GPHN: variants seen among roughly 807,000 people sequenced by gnomAD.
GPHN encodes gephyrin.
A neutral mutation model predicts 95.5 loss-of-function variants in GPHN; 17 were observed. That is an observed-to-expected ratio of 0.18 (90% CI 0.12 to 0.27). The LOEUF (loss-of-function observed/expected upper bound fraction) is 0.27. GPHN is among the 10% of genes least tolerant of loss of function. The pLI is 1.00. For missense variants in GPHN, 660 were observed against 978.1 expected (o/e 0.67, Z 4.34); for synonymous variants, 320 against 322.5 (o/e 0.99, Z 0.08).
chr14:66,895,619 G>A (rs1179078845), intron 5 of GPHN, among the ~76,000 whole-genome samples: 4 of 152,110 alleles, frequency 2.6e-5, no homozygotes, highest in Non-Finnish European at 4.4e-5. Context: ...TACTTTCAAT[G>A]TGCTGAAAGA....
the GPHN span, chr14:67,600,072 G>A: frequency 6.3e-7 from 1 of 1,592,560 alleles, no homozygotes; most frequent in Non-Finnish European, 8.5e-7. Context: ...CCGTGCAGGT[G>A]ACAGCGGTGA....
chr14:67,107,185 C>T (rs541471367), intron 13 of GPHN, among the ~76,000 whole-genome samples: 1 of 152,190 alleles, frequency 6.6e-6, no homozygotes, highest in East Asian at 1.9e-4. Context: ...CTTTTAGAGT[C>T]CTCCTCTTCT....
chr14:66,574,519 G>A (rs1267510159), intron 1 of GPHN, among the ~76,000 whole-genome samples: 1 of 152,140 alleles, frequency 6.6e-6, no homozygotes, highest in Non-Finnish European at 1.5e-5. Flanking sequence ...TTTACATGTT[G>A]CTAGTTAGCA....
At chr14:66,754,428 GATA>G (rs750208468) in intron 2 of GPHN, among the ~76,000 whole-genome samples, 7 of 151,898 alleles carry the variant, frequency 4.6e-5, no homozygotes, top group Admixed American at 2.6e-4. Context: ...ATATATAAAA[GATA>G]ATAATCAGAT....
chr14:66,742,430 T>C (rs968588782), intron 2 of GPHN, among the ~76,000 whole-genome samples: 4 of 152,202 alleles, frequency 2.6e-5, no homozygotes, highest in Non-Finnish European at 4.4e-5. Flanking sequence ...ACCATTATAT[T>C]GAAGATTCCG....
At chr14:66,828,462 A>G (rs1327388055) in intron 4 of GPHN, among the ~76,000 whole-genome samples, 1 of 152,158 alleles carries the variant, frequency 6.6e-6, no homozygotes, top group Non-Finnish European at 1.5e-5. Flanking sequence ...TACCTATATT[A>G]TATACATCAG....
chr14:66,997,960 T>G (rs931451806), intron 9 of GPHN, among the ~76,000 whole-genome samples: 3 of 152,196 alleles, frequency 2.0e-5, no homozygotes, highest in African/African-American at 7.2e-5. Context: ...GTAAAAAATA[T>G]ATAACCCATT....
intron 1 of GPHN, among the ~76,000 whole-genome samples, chr14:66,626,519 A>T (rs990291467): frequency 5.9e-5 from 9 of 152,248 alleles, no homozygotes; most frequent in Admixed American, 3.3e-4. Context: ...TAGAAAGAAG[A>T]TAACTTAATA....
chr14:67,278,962 A>G, the GPHN span: 2 of 451,066 alleles, frequency 4.4e-6, no homozygotes, highest in Non-Finnish European at 7.7e-6. Flanking sequence ...GCTCTGTAAA[A>G]ACCTGCTTTT....
chr14:67,008,603 G>A lies in GPHN; in HGVS notation c.964-15030G>A, dbSNP rs150489604. On this transcript the variant is annotated intron_variant, in intron 9 of 22. Coordinates refer to ENST00000478722, the MANE Select transcript of GPHN (RefSeq NM_020806.5). Reference sequence around the variant, plus strand: ...TCTGTCACCCAGCCTGGAGTGCAGTGGCGCAGTCTTGGCTCACTGCAACCT... The same window carrying A: ...TCTGTCACCCAGCCTGGAGTGCAGTAGCGCAGTCTTGGCTCACTGCAACCT... Among the ~76,000 whole-genome samples the A allele has an allele frequency of 1.2e-3, 183 of 151,900 alleles. 9 individuals are homozygous for A. The East Asian group carries it at 0.017, about 15-fold the overall frequency.
At chr14:66,538,589 A>C (rs1357869569) in intron 1 of GPHN, among the ~76,000 whole-genome samples, 1 of 151,490 alleles carries the variant, frequency 6.6e-6, no homozygotes, top group East Asian at 1.9e-4. Context: ...AGCTCTAGGA[A>C]GTTTTATTAT....
chr14:67,120,942 GC>G (rs1358755273), intron 16 of GPHN, among the ~76,000 whole-genome samples: 1 of 152,140 alleles, frequency 6.6e-6, no homozygotes. Context: ...ACAGTTGGTT[GC>G]AAAGCTACTA....
intron 9 of GPHN, among the ~76,000 whole-genome samples, chr14:66,972,706 TA>T (rs1174884847): frequency 1.2e-4 from 19 of 152,038 alleles, no homozygotes; most frequent in Non-Finnish European, 2.6e-4. Context: ...TAATGTGTAT[TA>T]ATATTGTCAT....
the GPHN span, among the ~76,000 whole-genome samples, chr14:67,505,496 C>T: frequency 1.3e-5 from 2 of 152,144 alleles, no homozygotes; most frequent in African/African-American, 4.8e-5. Flanking sequence ...AGCCTGCCTT[C>T]CCAGGTTCAC....
intron 12 of GPHN, among the ~76,000 whole-genome samples, chr14:67,095,907 T>G (rs2077353866): frequency 7.7e-6 from 1 of 129,880 alleles, no homozygotes; most frequent in Non-Finnish European, 1.6e-5. Context: ...TGTGCACATG[T>G]ACCCTAAAAC....
chr14:66,842,359 G>T (rs1373556747), intron 4 of GPHN, among the ~76,000 whole-genome samples: 1 of 151,684 alleles, frequency 6.6e-6, no homozygotes, highest in Non-Finnish European at 1.5e-5. Flanking sequence ...TTAGAAACCC[G>T]ACCTACACAG....
In GPHN at chr14:66,585,305, G is replaced by T. The variant is rs191876309; in HGVS notation, c.64+76714G>T. 2.0e-4 allele frequency among the ~76,000 whole-genome samples: 31 copies of T among 152,098 alleles called. No homozygotes were observed. In the South Asian group the frequency reaches 6.4e-3, roughly 32 times the overall value. ...TTCTTCTTTATTAGTCTTGCTAGCGGTCTATCAATTTTGTTGATCTTTTCA... is the reference window on the plus strand; with the variant it reads ...TTCTTCTTTATTAGTCTTGCTAGCGTTCTATCAATTTTGTTGATCTTTTCA... On this transcript the variant is annotated intron_variant, in intron 1 of 22. Transcript: ENST00000478722.
chr14:66,925,706 A>G (rs1026115945), intron 8 of GPHN, among the ~76,000 whole-genome samples: 3 of 152,110 alleles, frequency 2.0e-5, no homozygotes, highest in Non-Finnish European at 4.4e-5. Flanking sequence ...ATGCTGCAAT[A>G]CACATGGAAG....
the GPHN span, among the ~76,000 whole-genome samples, chr14:67,209,755 T>G: frequency 6.7e-6 from 1 of 149,308 alleles, no homozygotes; most frequent in African/African-American, 2.5e-5. Flanking sequence ...GAGACTGAGG[T>G]TGCAGTGAGC....
Sources: gnomAD v4.1 joint callset for allele counts (sites outside exome capture counted in the v4.1 genomes callset) on GRCh38, gnomAD v4.1.1 for gene constraint, MANE v1.5 for transcripts, NCBI Gene and HGNC (gene_info 2026-07-23, HGNC 2026-07-21) for gene names.